Variants in CEP41 observed in about 807,000 individuals in gnomAD.
CEP41 encodes the protein centrosomal protein 41.
Under a neutral mutation model 44.3 loss-of-function variants are expected in CEP41, and 32 were observed. The ratio of observed to expected loss-of-function variants is 0.72; its 90% CI spans 0.54 to 0.97. CEP41 has a LOEUF of 0.97. Ranked by LOEUF, CEP41 falls within the 50% of genes least tolerant of loss-of-function variation. CEP41 has a pLI of 0.00. For missense variants in CEP41, 432 were observed against 455.2 expected (o/e 0.95, Z 0.46); for synonymous variants, 151 against 168.5 (o/e 0.90, Z 0.80).
At chr7:130,412,455 T>G (rs900089654) in intron 3 of CEP41, among the ~76,000 whole-genome samples, 1 of 152,352 alleles carries the variant, frequency 6.6e-6, no homozygotes, top group Non-Finnish European at 1.5e-5. Flanking sequence ...AGCTTAAAGT[T>G]GAATTTATAA....
chr7:130,428,022 A>C lies in CEP41; in HGVS notation c.34-4T>G. 1 of 1,575,842 alleles carries C rather than the reference A, an allele frequency of 6.3e-7. No homozygotes were observed. The highest frequency in any genetic ancestry group is 8.7e-7 in the Non-Finnish European group (1 of 1,145,492). On this transcript the variant is annotated splice_region_variant and splice_polypyrimidine_tract_variant and intron_variant, in intron 1 of 10. Coordinates refer to ENST00000223208, the MANE Select transcript of CEP41 (RefSeq NM_018718.3). ...GTGGTATCCTTTTCATCAGATACTA[A>C]AAAATAAGGAAATTCACAATTAATT...
intron 2 of CEP41, among the ~76,000 whole-genome samples, chr7:130,425,084 A>C (rs527613352): frequency 1.6e-4 from 25 of 152,354 alleles, no homozygotes; most frequent in African/African-American, 5.5e-4. Flanking sequence ...ACAGAAAACA[A>C]ACAAGCACAT....
Position 130,407,258 on chromosome 7 carries a change from ACACAC to A in CEP41, c.278-2555_278-2551del, listed in dbSNP as rs1562981647. 5.6e-3 allele frequency among the ~76,000 whole-genome samples: 647 copies of A among 116,496 alleles called. 5 individuals are homozygous for A. The highest frequency in any genetic ancestry group is 7.0e-3 in the Non-Finnish European group (381 of 54,416). 76.4% of individuals were successfully genotyped at this position (116,496 alleles called of 152,430 possible). A position where few individuals can be genotyped will look rare whatever the true frequency, so the allele number is the denominator to read the frequency against. ...TTTAAAAAATAACAAGAGTAAACAC[ACACAC>A]ACACACACACACACACACACACACA... On this transcript the variant is annotated intron_variant, in intron 5 of 10. Coordinates refer to ENST00000223208, the MANE Select transcript of CEP41 (RefSeq NM_018718.3).
At chr7:130,441,309 T>A (rs1291376057), upstream of CEP41, 4 of 464,370 alleles carry the variant, frequency 8.6e-6, no homozygotes, top group Non-Finnish European at 1.6e-5. Flanking sequence ...GGGCAGTGGC[T>A]TGAGAGCCGG....
At chr7:130,411,456 T>C (rs942838012) in intron 4 of CEP41, among the ~76,000 whole-genome samples, 8 of 152,282 alleles carry the variant, frequency 5.3e-5, no homozygotes, top group Admixed American at 3.9e-4. Context: ...ACAAGAAACA[T>C]GAATAAGAGT....
upstream of CEP41, chr7:130,441,214 C>A: frequency 4.1e-6 from 2 of 491,618 alleles, no homozygotes; most frequent in Non-Finnish European, 7.8e-6. Flanking sequence ...GTTCTCTGGG[C>A]TGGGGCTCGC....
intron 5 of CEP41, 68 bp from the exon 6 acceptor site, chr7:130,404,776 TGA>T (rs1280130802): frequency 1.7e-6 from 2 of 1,187,470 alleles, no homozygotes; most frequent in Admixed American, 3.4e-5. Context: ...TTAGTTCCAC[TGA>T]CATTAAGTCA....
At chr7:130,430,664 AG>A (rs1797797392) in intron 1 of CEP41, among the ~76,000 whole-genome samples, 1 of 152,254 alleles carries the variant, frequency 6.6e-6, no homozygotes, top group African/African-American at 2.4e-5. Context: ...AACAAAAAAC[AG>A]GGAAAGTATG....
At chr7:130,405,287 G>T (rs1796976883) in intron 5 of CEP41, among the ~76,000 whole-genome samples, 1 of 152,158 alleles carries the variant, frequency 6.6e-6, no homozygotes, top group Admixed American at 6.5e-5. Flanking sequence ...GTTGCAGGCT[G>T]AACCAGTAAC....
At chr7:130,421,636 A>G in intron 2 of CEP41, 1 of 1,029,620 alleles carries the variant, frequency 9.7e-7, no homozygotes, top group Non-Finnish European at 1.2e-6. Flanking sequence ...TAGTTTGTCT[A>G]GAGATAATAA....
intron 2 of CEP41, chr7:130,419,015 G>T (rs1172493030): frequency 1.0e-6 from 1 of 982,148 alleles, no homozygotes; most frequent in Non-Finnish European, 1.2e-6. Flanking sequence ...CTAACAAAGT[G>T]TCTACACTTC....
At chr7:130,407,441 T>A (rs1308276949) in intron 5 of CEP41, among the ~76,000 whole-genome samples, 1 of 152,064 alleles carries the variant, frequency 6.6e-6, no homozygotes, top group Non-Finnish European at 1.5e-5. Flanking sequence ...TAGGGGTGAT[T>A]TGGAGACCTG....
Position 130,396,914 on chromosome 7 carries a change from G to C in CEP41, c.*1977C>G. 2.2e-6 allele frequency: 1 copy of C among 450,248 alleles called. No homozygotes were observed. The highest frequency in any genetic ancestry group is 4.4e-6 in the Non-Finnish European group (1 of 225,116). 27.9% of individuals were successfully genotyped at this position (450,248 alleles called of 1,614,324 possible). A position where few individuals can be genotyped will look rare whatever the true frequency, so the allele number is the denominator to read the frequency against. On this transcript the variant is annotated 3_prime_UTR_variant, in exon 11 of 11. Transcript: ENST00000223208. ...AAAGTTGTCTGACGATGGGAACGCA[G>C]AATCGGAACAAGGAGGGAAGACCAT... is the stretch of plus-strand genomic sequence containing the variant.
At chr7:130,411,473 C>A (rs1797180279) in intron 4 of CEP41, among the ~76,000 whole-genome samples, 1 of 152,142 alleles carries the variant, frequency 6.6e-6, no homozygotes, top group African/African-American at 2.4e-5. Flanking sequence ...GAGTTTAAAA[C>A]CACATCTGTA....
upstream of CEP41, chr7:130,441,031 ACCCCCACAACCTTGTTCAGCCGC>A (rs1563003211): frequency 1.3e-6 from 2 of 1,553,018 alleles, no homozygotes; most frequent in Middle Eastern, 1.7e-4. Flanking sequence ...CTAGCTTCCT[ACCCCCACAACCTTGTTCAGCCGC>A]CTCCCTATAC....
intron 5 of CEP41, among the ~76,000 whole-genome samples, chr7:130,409,447 C>T (rs980736345): frequency 5.9e-5 from 9 of 152,226 alleles, no homozygotes; most frequent in African/African-American, 2.2e-4. Flanking sequence ...CAAATTATCT[C>T]TGCTACAAGG....
At chr7:130,423,495 T>C (rs782319922) in intron 2 of CEP41, among the ~76,000 whole-genome samples, 3 of 152,084 alleles carry the variant, frequency 2.0e-5, no homozygotes, top group Admixed American at 1.3e-4. Flanking sequence ...GTGGAGAAAA[T>C]AGAGCCCTCC....
intron 5 of CEP41, among the ~76,000 whole-genome samples, chr7:130,406,061 A>G (rs782130145): frequency 7.9e-5 from 12 of 152,192 alleles, no homozygotes; most frequent in Non-Finnish European, 1.5e-4. Context: ...TCATAAAAAC[A>G]TGTTATGTAT....
In CEP41 at chr7:130,415,885, T is replaced by A. The variant is rs541812225; in HGVS notation, c.145+1034A>T. On this transcript the variant is annotated intron_variant, in intron 3 of 10. Transcript: ENST00000223208. ...CATATACTTATGTAATATAAAATGT[T>A]CAGGAAGAAAAGAGAAGGATACTGT... 6.6e-5 allele frequency among the ~76,000 whole-genome samples: 10 copies of A among 152,308 alleles called. No individual in the cohort carries two copies. In the South Asian group the frequency reaches 1.4e-3, roughly 22 times the overall value.
Sources: allele counts gnomAD v4.1 joint callset (sites outside exome capture counted in the v4.1 genomes callset), GRCh38; gene constraint gnomAD v4.1.1; transcripts MANE v1.5; gene names NCBI Gene and HGNC (gene_info 2026-07-23, HGNC 2026-07-21).